The following NTM variants were observed in gnomAD, a reference collection of about 807,000 sequenced individuals.
The protein encoded by NTM is IgLON family member 2.
NTM carries 13 observed loss-of-function variants against 42.1 expected under a neutral mutation model. That is an observed-to-expected ratio of 0.31 (90% confidence interval 0.20 to 0.49). The LOEUF is 0.49. NTM is among the 20% of genes least tolerant of loss of function. The pLI is 0.99. For missense variants in NTM, 373 were observed against 452.8 expected, an observed-to-expected ratio of 0.82 and a Z score of 1.60; for synonymous variants, 187 against 179.2, an observed-to-expected ratio of 1.04 and a Z score of -0.35.
intron 1 of NTM, among the ~76,000 whole-genome samples, chr11:131,708,797 T>C (rs372923178): frequency 2.0e-5 from 3 of 152,310 alleles, no homozygotes; most frequent in South Asian, 4.1e-4. Flanking sequence ...TTCAGAAACT[T>C]ACATTTTTGC....
chr11:131,563,993 T>C (rs554144432), intron 1 of NTM, among the ~76,000 whole-genome samples: 3 of 152,318 alleles, frequency 2.0e-5, no homozygotes, highest in Non-Finnish European at 4.4e-5. Flanking sequence ...GTCCTGGTCC[T>C]GCAACCTGAG....
At chr11:132,325,091 A>T (rs2095650550) in intron 7 of NTM, among the ~76,000 whole-genome samples, 1 of 152,120 alleles carries the variant, frequency 6.6e-6, no homozygotes, top group South Asian at 2.1e-4. Flanking sequence ...AGGCATTACC[A>T]TTCAGGACAT....
At chr11:131,934,730 C>T (rs2059022817) in intron 2 of NTM, among the ~76,000 whole-genome samples, 1 of 152,136 alleles carries the variant, frequency 6.6e-6, no homozygotes, top group Admixed American at 6.5e-5. Context: ...GGAGCTGGCC[C>T]AGCAAGGATC....
At chr11:132,294,697 C>T (rs920596538) in intron 4 of NTM, among the ~76,000 whole-genome samples, 9 of 152,154 alleles carry the variant, frequency 5.9e-5, no homozygotes, top group African/African-American at 1.7e-4. Context: ...AGGAAAGTCA[C>T]AGGAGCATGT....
chr11:132,329,272 C>T (rs75114539), intron 7 of NTM, among the ~76,000 whole-genome samples: 184 of 152,172 alleles, frequency 1.2e-3, no homozygotes, highest in Middle Eastern at 3.4e-3. Context: ...CCAGGGTGAA[C>T]GACAAAGAGG....
intron 4 of NTM, among the ~76,000 whole-genome samples, chr11:132,287,804 C>G (rs1272973583): frequency 6.6e-6 from 1 of 152,146 alleles, no homozygotes. Flanking sequence ...ATTGCATGAG[C>G]TTACAATTTT....
Position 132,128,251 on chromosome 11 carries a change from C to A in NTM, c.168-18031C>A, listed in dbSNP as rs141548196. On this transcript the variant is annotated intron_variant, in intron 2 of 8. Transcript: ENST00000683400. ...TTCTGTGAGTGTGTTTTTTTTTTTA[C>A]ATTGATAAACATGTTTGCTAATCAT... 3.3e-3 allele frequency among the ~76,000 whole-genome samples: 502 copies of A among 150,124 alleles called. 3 individuals carry two copies. Among genetic ancestry groups the A allele is most frequent in the African/African-American group, 0.012 (490 of 40,844 alleles).
chr11:132,132,490 A>G lies in NTM; in HGVS notation c.168-13792A>G, dbSNP rs78132945. ...GCATCTTCACAGGCATATGAGCTCAATAAATAAATGTGTAATGTTGAACAT... is the reference window on the plus strand; with the variant it reads ...GCATCTTCACAGGCATATGAGCTCAGTAAATAAATGTGTAATGTTGAACAT... On this transcript the variant is annotated intron_variant, in intron 2 of 8. Coordinates refer to ENST00000683400, the MANE Select transcript of NTM (RefSeq NM_001352005.2). Among the ~76,000 whole-genome samples the G allele has an allele frequency of 6.0e-3, 918 of 152,332 alleles. 13 individuals carry two copies. Among genetic ancestry groups the G allele is most frequent in the African/African-American group, 0.019 (786 of 41,570 alleles).
intron 2 of NTM, among the ~76,000 whole-genome samples, chr11:132,020,124 A>G (rs1593792131): frequency 6.6e-6 from 1 of 152,126 alleles, no homozygotes; most frequent in African/African-American, 2.4e-5. Context: ...ACTTAGGGCA[A>G]TGGCTTCCAA....
At chr11:131,407,478 G>A (rs1945921957) in intron 1 of NTM, among the ~76,000 whole-genome samples, 1 of 152,182 alleles carries the variant, frequency 6.6e-6, no homozygotes, top group Non-Finnish European at 1.5e-5. Context: ...GAACAAAGGT[G>A]GGACATGCAG....
chr11:132,314,731 A>AAGAGGGGAGAG lies in NTM; in HGVS notation c.934+29_934+39dup. 3 of 1,598,624 alleles carry AAGAGGGGAGAG rather than the reference A, an allele frequency of 1.9e-6. 1 individual carries two copies. The Middle Eastern group carries it at 5.0e-4, about 267-fold the overall frequency. On this transcript the variant is annotated intron_variant, in intron 7 of 8. Coordinates refer to ENST00000683400, the MANE Select transcript of NTM (RefSeq NM_001352005.2). ...GAGACTGTGCTCTGAGCTGGGCAAG[A>AAGAGGGGAGAG]AGAGGGGAGAGGGTGCAGAACGGGA...
At chr11:131,381,842 T>G (rs1942717899) in intron 1 of NTM, among the ~76,000 whole-genome samples, 1 of 152,178 alleles carries the variant, frequency 6.6e-6, no homozygotes, top group Non-Finnish European at 1.5e-5. Flanking sequence ...GGTCTGACTC[T>G]CAAAAATTCT....
In NTM at chr11:132,235,704, C is replaced by T. The variant is rs541510597; in HGVS notation, c.526+23557C>T. On this transcript the variant is annotated intron_variant, in intron 4 of 8. Coordinates refer to ENST00000683400, the MANE Select transcript of NTM (RefSeq NM_001352005.2). ...TCGACATCTGACAGGGTGGATTTTC[C>T]AAGATAATTCCACACAATTCTATAT... is the stretch of plus-strand genomic sequence containing the variant. Among the ~76,000 whole-genome samples, 70 of 152,218 alleles carry T rather than the reference C, an allele frequency of 4.6e-4. No homozygotes were observed. The South Asian group carries it at 0.013, about 28-fold the overall frequency.
At chr11:131,965,669 G>C (rs558204670) in intron 2 of NTM, among the ~76,000 whole-genome samples, 2 of 152,272 alleles carry the variant, frequency 1.3e-5, no homozygotes, top group South Asian at 4.1e-4. Flanking sequence ...GCTGGAGGAG[G>C]CTTGTGACTC....
rs186602251 is a variant in NTM at position 131,756,429 on chromosome 11, C to T, written c.83-155135C>T. 1.5e-4 allele frequency among the ~76,000 whole-genome samples: 23 copies of T among 151,716 alleles called. No homozygotes were observed. The South Asian group carries it at 3.3e-3, about 22-fold the overall frequency. ...AAAGACCTTGTCTGGGAGGCTGAGG[C>T]AGGTCAATTGCTTGAACTCTGGAGA... is the stretch of plus-strand genomic sequence containing the variant. On this transcript the variant is annotated intron_variant, in intron 1 of 8. Coordinates refer to ENST00000683400, the MANE Select transcript of NTM (RefSeq NM_001352005.2).
At chr11:132,034,283 C>T (rs2076253620) in intron 2 of NTM, among the ~76,000 whole-genome samples, 1 of 152,170 alleles carries the variant, frequency 6.6e-6, no homozygotes, top group South Asian at 2.1e-4. Flanking sequence ...CTGGTGCTCT[C>T]ATCTCTTTCC....
intron 1 of NTM, among the ~76,000 whole-genome samples, chr11:131,543,459 C>A (rs2053540838): frequency 6.6e-6 from 1 of 152,224 alleles, no homozygotes; most frequent in Non-Finnish European, 1.5e-5. Context: ...TCCTGAAGGG[C>A]AACAGGACAC....
intron 1 of NTM, among the ~76,000 whole-genome samples, chr11:131,420,644 G>C (rs1947406580): frequency 6.6e-6 from 1 of 152,080 alleles, no homozygotes; most frequent in South Asian, 2.1e-4. Flanking sequence ...CTAGAGACTG[G>C]CTCCCATTCT....
At chr11:132,004,628 T>A (rs1367306199) in intron 2 of NTM, among the ~76,000 whole-genome samples, 4,862 of 150,320 alleles carry the variant, frequency 0.032, 264 homozygotes, top group African/African-American at 0.11. Context: ...TCTCTCTCTC[T>A]CTCTCTCACA....
Sources: gnomAD v4.1 joint callset for allele counts (sites outside exome capture counted in the v4.1 genomes callset) on GRCh38, gnomAD v4.1.1 for gene constraint, MANE v1.5 for transcripts, NCBI Gene and HGNC (gene_info 2026-07-23, HGNC 2026-07-21) for gene names.